Variants in LRRCC1 observed in about 807,000 individuals in gnomAD.
The protein encoded by LRRCC1 is leucine rich repeat and coiled-coil centrosomal protein 1.
In LRRCC1, 115 loss-of-function variants were observed where a neutral mutation model predicts 126.0. The ratio of observed to expected loss-of-function variants is 0.91; its 90% confidence interval spans 0.78 to 1.07. The LOEUF (loss-of-function observed/expected upper bound fraction) is 1.07. LRRCC1 is among the 50% of genes least tolerant of loss of function. The probability of loss-of-function intolerance (pLI) is 0.00; values close to 1 mark genes in which losing one functional copy is unlikely to be tolerated. For missense variants in LRRCC1, 1,172 were observed against 1,175.7 expected, an observed-to-expected ratio of 1.00 and a Z score of 0.05; for synonymous variants, 400 against 393.4, an observed-to-expected ratio of 1.02 and a Z score of -0.20.
intron 6 of LRRCC1, among the ~76,000 whole-genome samples, chr8:85,121,116 T>C (rs948790784): frequency 2.0e-5 from 3 of 152,208 alleles, no homozygotes; most frequent in African/African-American, 7.2e-5. Context: ...GTCATTTTCA[T>C]TGTAGCCATC....
chr8:85,116,638 T>G (rs905277218), intron 6 of LRRCC1, among the ~76,000 whole-genome samples: 5 of 152,174 alleles, frequency 3.3e-5, no homozygotes, highest in Non-Finnish European at 7.4e-5. Flanking sequence ...CCTCCTAAAA[T>G]AGTGAGATTA....
At chr8:85,133,686 C>T (rs995511790) in intron 12 of LRRCC1, among the ~76,000 whole-genome samples, 1 of 152,076 alleles carries the variant, frequency 6.6e-6, no homozygotes, top group Non-Finnish European at 1.5e-5. Context: ...TTCTGTCACC[C>T]TTATTTAAAA....
chr8:85,117,696 C>G (rs1033586896), intron 6 of LRRCC1, among the ~76,000 whole-genome samples: 2 of 152,056 alleles, frequency 1.3e-5, no homozygotes, highest in African/African-American at 4.8e-5. Flanking sequence ...TTTTATTCTT[C>G]AGCAAACTTG....
intron 14 of LRRCC1, among the ~76,000 whole-genome samples, chr8:85,137,074 A>T (rs938765824): frequency 5.9e-5 from 9 of 152,160 alleles, no homozygotes; most frequent in African/African-American, 2.2e-4. Flanking sequence ...TGATCTGCCC[A>T]CCTCAGCTTC....
chr8:85,110,502 T>C (rs1222155702), intron 3 of LRRCC1, among the ~76,000 whole-genome samples: 3 of 152,248 alleles, frequency 2.0e-5, no homozygotes, highest in Non-Finnish European at 2.9e-5. Context: ...AATAGAACTT[T>C]CCACAGTGGT....
chr8:85,131,775 A>C lies in LRRCC1; in HGVS notation c.1782A>C (p.Thr594=). The C allele has an allele frequency of 6.2e-7, 1 of 1,612,366 alleles. No individual in the cohort carries two copies. Among genetic ancestry groups the C allele is most frequent in the Non-Finnish European group, 8.5e-7 (1 of 1,179,414 alleles). The stretch of plus-strand genomic sequence containing the variant: ...TTCACTCCAGGAAGGAACTTGAAAC[A>C]AGGGAGTTTTTTACTGATGCTGACT... ...KEQEHRKELE[T]REFFTDADFQ... Residue 594 remains threonine, a synonymous_variant, in exon 12 of 19, where the codon ACA becomes ACC. Transcript: ENST00000360375.
Position 85,109,655 on chromosome 8 carries a change from C to G in LRRCC1, c.165C>G (p.Ile55Met), listed in dbSNP as rs1468422237. The change falls in exon 2 of 19, where the codon ATC becomes ATG. Residue 55 changes from isoleucine (I) to methionine (M), a missense_variant. Transcript: ENST00000360375. ...LHAVNLHCNN[I>M]SKIEAIDHIW... ...CCGTCAATCTTCATTGCAATAACAT[C>G]TCCAAGATCGAAGCCATTGATCATA... 2 of 1,611,714 alleles carry G rather than the reference C, an allele frequency of 1.2e-6. No individual in the cohort carries two copies. The highest frequency in any genetic ancestry group is 1.7e-6 in the Non-Finnish European group (2 of 1,178,252).
intron 8 of LRRCC1, among the ~76,000 whole-genome samples, chr8:85,125,243 C>G (rs553450015): frequency 2.6e-5 from 4 of 152,044 alleles, no homozygotes; most frequent in African/African-American, 9.6e-5. Flanking sequence ...TTTTGGGTGT[C>G]AGACCCTTTT....
chr8:85,123,398 C>G lies in LRRCC1; in HGVS notation c.931-15C>G. The G allele has an allele frequency of 6.4e-7, 1 of 1,551,544 alleles. No homozygotes were observed. The highest frequency in any genetic ancestry group is 8.7e-7 in the Non-Finnish European group (1 of 1,152,086). On this transcript the variant is annotated splice_polypyrimidine_tract_variant and intron_variant, in intron 6 of 18. Coordinates refer to ENST00000360375, the MANE Select transcript of LRRCC1 (RefSeq NM_033402.5). ...CTGAACTTTTAACAAATTTTGTTGG[C>G]TTTTTAAATTTTAGACTTCTAATTC... is the stretch of plus-strand genomic sequence containing the variant.
At chr8:85,128,538 G>T (rs985650489) in intron 9 of LRRCC1, among the ~76,000 whole-genome samples, 5 of 150,728 alleles carry the variant, frequency 3.3e-5, no homozygotes, top group African/African-American at 1.2e-4. Context: ...TGGCATGTGG[G>T]TGCCATGCTG....
At chr8:85,141,657 C>A (rs1587450983) in intron 18 of LRRCC1, 140 bp downstream of exon 18, 2 of 619,208 alleles carry the variant, frequency 3.2e-6, no homozygotes, top group East Asian at 2.9e-5. Flanking sequence ...CCAAAACTAT[C>A]CTAAAACCAG....
chr8:85,112,175 GAGTTTGAC>G (rs749094835), intron 3 of LRRCC1, among the ~76,000 whole-genome samples: 2 of 152,096 alleles, frequency 1.3e-5, no homozygotes, highest in African/African-American at 2.4e-5. Context: ...GTGCCTGGCT[GAGTTTGAC>G]AGTTTGTTAT....
intron 8 of LRRCC1, among the ~76,000 whole-genome samples, chr8:85,125,605 G>T (rs373059881): frequency 1.5e-5 from 2 of 133,316 alleles, no homozygotes; most frequent in African/African-American, 5.7e-5. Context: ...CCCGGGAGGC[G>T]GAGCTTGCAG....
intron 6 of LRRCC1, among the ~76,000 whole-genome samples, 175 bp from the exon 7 acceptor site, chr8:85,123,238 A>G (rs1441709195): frequency 6.6e-6 from 1 of 152,138 alleles, no homozygotes; most frequent in African/African-American, 2.4e-5. Context: ...GAAAGTCAAC[A>G]TGGTAGAAGC....
At chr8:85,111,618 A>G (rs1227427583) in intron 3 of LRRCC1, among the ~76,000 whole-genome samples, 1 of 152,142 alleles carries the variant, frequency 6.6e-6, no homozygotes, top group African/African-American at 2.4e-5. Context: ...AAGAAAAACA[A>G]CCCCCAAAAA....
intron 14 of LRRCC1, among the ~76,000 whole-genome samples, chr8:85,136,850 A>G (rs138295984): frequency 5.1e-4 from 77 of 152,196 alleles, no homozygotes; most frequent in African/African-American, 1.7e-3. Context: ...CTTTTGAGAC[A>G]AGTCTCACTC....
chr8:85,135,330 G>T lies in LRRCC1; in HGVS notation c.2154+298G>T, dbSNP rs568460173. On this transcript the variant is annotated intron_variant, in intron 13 of 18. Transcript: ENST00000360375. Reference sequence around the variant, plus strand: ...TGGAAGTGATACTCAAATGGTTAAAGTTTGGGAAGCACCACTTGGATTGCT... The same window carrying T: ...TGGAAGTGATACTCAAATGGTTAAATTTTGGGAAGCACCACTTGGATTGCT... 5.3e-5 allele frequency among the ~76,000 whole-genome samples: 8 copies of T among 152,288 alleles called. No homozygotes were observed. The South Asian group carries it at 1.7e-3, about 32-fold the overall frequency.
At chr8:85,131,093 T>C (rs1200205826) in intron 11 of LRRCC1, among the ~76,000 whole-genome samples, 1 of 152,232 alleles carries the variant, frequency 6.6e-6, no homozygotes, top group African/African-American at 2.4e-5. Context: ...TCTACATAAA[T>C]TTTGGTGCTC....
chr8:85,110,631 A>G (rs1351121034), intron 3 of LRRCC1, among the ~76,000 whole-genome samples: 3 of 152,232 alleles, frequency 2.0e-5, no homozygotes, highest in Non-Finnish European at 4.4e-5. Flanking sequence ...TTTAATTTTA[A>G]TTTGAAAATA....
Sources: allele counts gnomAD v4.1 joint callset (sites outside exome capture counted in the v4.1 genomes callset), GRCh38; gene constraint gnomAD v4.1.1; transcripts MANE v1.5; gene names NCBI Gene and HGNC (gene_info 2026-07-23, HGNC 2026-07-21).